The following LOXL2 variants were observed in gnomAD, a reference collection of about 807,000 sequenced individuals.
LOXL2 encodes lysyl oxidase like 2, also known as lysyl oxidase homolog 2.
LOXL2 carries 70 observed loss-of-function variants against 93.0 expected under a neutral mutation model. The observed-to-expected ratio is 0.75, with a 90% CI of 0.62 to 0.92. The LOEUF (loss-of-function observed/expected upper bound fraction) is 0.92, where lower values mean the gene tolerates loss of function less well. LOXL2 is among the 40% of genes least tolerant of loss of function. The pLI is 0.00. For synonymous variants in LOXL2, 438 were observed against 413.2 expected (o/e 1.06, Z -0.73); for missense variants, 973 against 1,054.9 (o/e 0.92, Z 1.08).
intron 3 of LOXL2, among the ~76,000 whole-genome samples, chr8:23,342,485 A>G (rs75882349): frequency 0.085 from 12,309 of 144,830 alleles, 630 homozygotes; most frequent in East Asian, 0.28. Flanking sequence ...AGGCTGGAGT[A>G]CAGTGGCGCG....
chr8:23,302,181 GAGAGCTCATC>G lies in LOXL2; in HGVS notation c.1997-28_1997-19del. ...CTGGATGTCTGCGGGCAGGGTAGAG[GAGAGCTCATC>G]ACCAGGGAACCATGGCCCCACTGCC... On this transcript the variant is annotated intron_variant, in intron 11 of 13. Transcript: ENST00000389131. 4 of 1,613,426 alleles carry G rather than the reference GAGAGCTCATC, an allele frequency of 2.5e-6. No individual in the cohort carries two copies. The highest frequency in any genetic ancestry group is 3.4e-6 in the Non-Finnish European group (4 of 1,179,436).
intron 7 of LOXL2, 195 bp downstream of exon 7, chr8:23,321,935 G>C: frequency 1.7e-6 from 1 of 600,498 alleles, no homozygotes; most frequent in Non-Finnish European, 2.9e-6. Flanking sequence ...CTGCACACAG[G>C]GGCTTGGGCC....
At position 23,303,264 on chromosome 8, in the gene LOXL2, C is replaced by G. The variant is rs200062847; in HGVS notation, c.1996+18G>C. On this transcript the variant is annotated intron_variant, in intron 11 of 13. Coordinates refer to ENST00000389131, the MANE Select transcript of LOXL2 (RefSeq NM_002318.3). Reference sequence around the variant, plus strand: ...GAGTCCCTCTGAGGCCTCCCATCCCCCCACTCCGCTCAGATACCTCCTTCA... The same window carrying G: ...GAGTCCCTCTGAGGCCTCCCATCCCGCCACTCCGCTCAGATACCTCCTTCA... 7.4e-4 allele frequency: 1,134 copies of G among 1,523,930 alleles called. No homozygotes were observed. The highest frequency in any genetic ancestry group is 8.2e-4 in the Non-Finnish European group (900 of 1,098,492). The allele number at this position is 1,523,930 out of a possible 1,614,324, so 94.4% of individuals were successfully genotyped here. A position where few individuals can be genotyped will look rare whatever the true frequency, so the allele number is the denominator to read the frequency against.
At chr8:23,315,326 G>A (rs1263664611) in intron 9 of LOXL2, among the ~76,000 whole-genome samples, 1 of 152,124 alleles carries the variant, frequency 6.6e-6, no homozygotes, top group African/African-American at 2.4e-5. Flanking sequence ...ATATTATGAA[G>A]GGTTGCCTGA....
At chr8:23,373,012 G>T (rs1306571829) in intron 1 of LOXL2, among the ~76,000 whole-genome samples, 2 of 152,174 alleles carry the variant, frequency 1.3e-5, no homozygotes, top group Non-Finnish European at 2.9e-5. Flanking sequence ...ATATTATGCA[G>T]AATATGTTGT....
At position 23,297,728 on chromosome 8, in the gene LOXL2, TGGGA is replaced by T; in HGVS notation, c.*311_*314del. 1 of 256,380 alleles carries T rather than the reference TGGGA, an allele frequency of 3.9e-6. No homozygotes were observed. The highest frequency in any genetic ancestry group is 7.4e-6 in the Non-Finnish European group (1 of 134,650). The allele number at this position is 256,380 out of a possible 1,614,324, so 15.9% of individuals were successfully genotyped here. A position where few individuals can be genotyped will look rare whatever the true frequency, so the allele number is the denominator to read the frequency against. On this transcript the variant is annotated 3_prime_UTR_variant, in exon 14 of 14. Transcript: ENST00000389131. The stretch of plus-strand genomic sequence containing the variant: ...TCTGTGGTGAGCTCGGTGGCTTGAA[TGGGA>T]CAAGCTGATGACAACCTGTCTGTGG...
chr8:23,366,205 C>T (rs1804398119), intron 2 of LOXL2: 3 of 152,208 alleles, frequency 2.0e-5, no homozygotes, highest in Non-Finnish European at 2.9e-5. Context: ...TGAGGTTACC[C>T]CTGGATCGCT....
intron 1 of LOXL2, chr8:23,385,913 C>T (rs781722433): frequency 6.5e-6 from 5 of 763,916 alleles, no homozygotes; most frequent in East Asian, 4.8e-5. Context: ...ACGTACTTTG[C>T]GTTTGCAGCG....
At chr8:23,402,971 G>T (rs1000506539) in intron 1 of LOXL2, among the ~76,000 whole-genome samples, 1 of 151,880 alleles carries the variant, frequency 6.6e-6, no homozygotes, top group Admixed American at 6.6e-5. Context: ...CCCTCGCCCC[G>T]CTCCGCCCCG....
rs745350727 is a variant in LOXL2, at chr8:23,320,038, G to A, written c.1317C>T (p.Gly439=). ...CTCGGCCCTCGTAGGGATTGCGGCC[G>A]CCGTTCAGGCGCAGCTGCAGACACA... ...MGLQKKLRLN[G]GRNPYEGRVE... is the part of the protein sequence containing the mutation. Residue 439 remains glycine (G), a synonymous_variant, in exon 8 of 14, where the codon GGC becomes GGT. Transcript: ENST00000389131. 6.2e-6 allele frequency: 10 copies of A among 1,613,922 alleles called. No homozygotes were observed. Among genetic ancestry groups the A allele is most frequent in the South Asian group, 2.2e-5 (2 of 91,082 alleles).
At chr8:23,373,864 T>A (rs912499962) in intron 1 of LOXL2, among the ~76,000 whole-genome samples, 3 of 151,866 alleles carry the variant, frequency 2.0e-5, no homozygotes, top group Admixed American at 6.6e-5. Context: ...CCCCTGACTT[T>A]CCCACCCCCA....
chr8:23,351,749 C>T (rs1251509721), intron 3 of LOXL2, among the ~76,000 whole-genome samples: 2 of 152,322 alleles, frequency 1.3e-5, no homozygotes, highest in Admixed American at 6.5e-5. Context: ...CTTAGAACTA[C>T]TTGCTTTGTG....
intron 1 of LOXL2, among the ~76,000 whole-genome samples, chr8:23,402,173 G>A (rs540052526): frequency 1.7e-4 from 26 of 152,144 alleles, no homozygotes; most frequent in African/African-American, 6.0e-4. Flanking sequence ...CACACATTGC[G>A]TGCACACACA....
chr8:23,299,762 G>A (rs760962178), intron 12 of LOXL2, among the ~76,000 whole-genome samples: 29 of 152,220 alleles, frequency 1.9e-4, no homozygotes, highest in Non-Finnish European at 3.1e-4. Flanking sequence ...CAGCAGGGGG[G>A]CGGGTACAGG....
intron 5 of LOXL2, 106 bp from the exon 6 acceptor site, chr8:23,328,671 C>T (rs1179136170): frequency 9.5e-7 from 1 of 1,054,756 alleles, no homozygotes; most frequent in Non-Finnish European, 1.4e-6. Context: ...CCAGGCCAGG[C>T]ACTCAGTCTG....
intron 1 of LOXL2, among the ~76,000 whole-genome samples, chr8:23,392,372 G>A (rs1478560003): frequency 6.6e-6 from 1 of 152,206 alleles, no homozygotes; most frequent in Non-Finnish European, 1.5e-5. Context: ...ATGCCAGCTG[G>A]TGCTGGGTCA....
rs759692161 is a variant in LOXL2 at position 23,309,824 on chromosome 8, A to G, written c.1724T>C (p.Met575Thr). The change falls in exon 10 of 14, where the codon ATG becomes ACG. Residue 575 changes from methionine (M) to threonine (T), a missense_variant. Met to Thr is a moderately conservative substitution (Grantham distance 81, BLOSUM62 -1). Transcript: ENST00000389131. Reference sequence around the variant, plus strand: ...TGAGGCCGAGAGGCAGTTCTCCTCCATGGCACACTGCAGCATGAACATGGG... The same window carrying G: ...TGAGGCCGAGAGGCAGTTCTCCTCCGTGGCACACTGCAGCATGAACATGGG... Reference protein sequence around the residue: ...DRPMFMLQCAMEENCLSASAA... With the variant: ...DRPMFMLQCATEENCLSASAA... 5 of 1,602,490 alleles carry G rather than the reference A, an allele frequency of 3.1e-6. No individual in the cohort carries two copies. The highest frequency in any genetic ancestry group is 1.1e-5 in the South Asian group (1 of 88,862).
intron 6 of LOXL2, among the ~76,000 whole-genome samples, chr8:23,322,824 G>A (rs563851448): frequency 4.6e-5 from 7 of 152,294 alleles, no homozygotes; most frequent in Non-Finnish European, 7.3e-5. Context: ...TACCACGCCC[G>A]TTACCCTCTG....
chr8:23,367,005 T>C (rs779850063), intron 2 of LOXL2, among the ~76,000 whole-genome samples: 1 of 152,172 alleles, frequency 6.6e-6, no homozygotes, highest in Non-Finnish European at 1.5e-5. Context: ...GCTTCAAACT[T>C]TGTCCTGCCT....
Sources: allele counts gnomAD v4.1 joint callset (sites outside exome capture counted in the v4.1 genomes callset), GRCh38; gene constraint gnomAD v4.1.1; transcripts MANE v1.5; gene names NCBI Gene and HGNC (gene_info 2026-07-23, HGNC 2026-07-21).